The following GOLGA8B variants were observed in gnomAD, a reference collection of about 807,000 sequenced individuals.
The protein encoded by GOLGA8B is golgin subfamily A member 8B.
Under a neutral mutation model 15.6 loss-of-function variants are expected in GOLGA8B, and 1 was observed. The observed-to-expected ratio is 0.06, with a 90% CI of 0.02 to 0.30. GOLGA8B has a LOEUF of 0.30. Among genes scored for constraint, GOLGA8B ranks in the 10% least tolerant of loss-of-function variants. The pLI is 1.00. For synonymous variants in GOLGA8B, 9 were observed against 80.3 expected (o/e 0.11, Z 4.75); for missense variants, 17 against 201.3 (o/e 0.08, Z 5.54).
intron 1 of GOLGA8B, among the ~76,000 whole-genome samples, chr15:34,580,283 T>C (rs936996867): frequency 7.2e-5 from 11 of 152,178 alleles, no homozygotes; most frequent in African/African-American, 2.4e-4. Context: ...GGAGGGACCA[T>C]TCTTGGGAGC....
intron 1 of GOLGA8B, among the ~76,000 whole-genome samples, chr15:34,569,402 C>T (rs1224290442): frequency 6.6e-6 from 1 of 151,996 alleles, no homozygotes; most frequent in Non-Finnish European, 1.5e-5. Flanking sequence ...GCCTGGATCA[C>T]CTTCCTGGAA....
chr15:34,573,050 G>C (rs1281899245), intron 1 of GOLGA8B, among the ~76,000 whole-genome samples: 3 of 152,188 alleles, frequency 2.0e-5, no homozygotes, highest in Admixed American at 2.0e-4. Flanking sequence ...AGGAGTTCAA[G>C]TCCAGCCTAG....
intron 1 of GOLGA8B, among the ~76,000 whole-genome samples, chr15:34,569,381 G>GACCTTCCTGGGCCTGGATC (rs1364815919): frequency 6.6e-6 from 1 of 151,920 alleles, no homozygotes; most frequent in Non-Finnish European, 1.5e-5. Flanking sequence ...TCACACTTCG[G>GACCTTCCTGGGCCTGGATC]ACCTTCCTGG....
rs1894420135 is a variant in GOLGA8B at position 34,525,323 on chromosome 15, C to T, written c.*2309G>A. 1 of 149,824 alleles carries T rather than the reference C, an allele frequency of 6.7e-6. No individual in the cohort carries two copies. The highest frequency in any genetic ancestry group is 1.5e-5 in the Non-Finnish European group (1 of 67,248). 9.3% of individuals were successfully genotyped at this position (149,824 alleles called of 1,614,324 possible). ...AATTTATCACATTACAGTAGCATCA[C>T]ACCAGCAGTCAATAATGCCACTTTA... On this transcript the variant is annotated 3_prime_UTR_variant, in exon 24 of 24. Coordinates refer to ENST00000683415, the MANE Select transcript of GOLGA8B (RefSeq NM_001023567.5).
rs1192075563 is a variant in GOLGA8B at position 34,564,731 on chromosome 15, A to G, written c.-1122-10775T>C. Among the ~76,000 whole-genome samples the G allele has an allele frequency of 2.1e-5, 3 of 143,098 alleles. 1 individual carries two copies. The highest frequency in any genetic ancestry group is 4.8e-5 in the Non-Finnish European group (3 of 62,380). The allele number at this position is 143,098 out of a possible 152,430, so 93.9% of individuals were successfully genotyped here. A position where few individuals can be genotyped will look rare whatever the true frequency, so the allele number is the denominator to read the frequency against. On this transcript the variant is annotated intron_variant, in intron 1 of 23. Coordinates refer to ENST00000683415, the MANE Select transcript of GOLGA8B (RefSeq NM_001023567.5). ...GTGTAGGGAGAGATGAGAAGTTCCA[A>G]CGAAAAGGGTGTGAGGTCTTTGGGG... is the stretch of plus-strand genomic sequence containing the variant.
In GOLGA8B at chr15:34,525,926, C is replaced by T. The variant is rs1246188346; in HGVS notation, c.*1706G>A. On this transcript the variant is annotated 3_prime_UTR_variant, in exon 24 of 24. Coordinates refer to ENST00000683415, the MANE Select transcript of GOLGA8B (RefSeq NM_001023567.5). The stretch of plus-strand genomic sequence containing the variant: ...CTCCCCACCCCAGGGAGCACACATA[C>T]ATATCTCCCTACAACCTAATAATGT... 4 of 148,980 alleles carry T rather than the reference C, an allele frequency of 2.7e-5. No individual in the cohort carries two copies. The highest frequency in any genetic ancestry group is 1.0e-4 in the African/African-American group (4 of 40,180). 9.2% of individuals were successfully genotyped at this position (148,980 alleles called of 1,614,324 possible). A position where few individuals can be genotyped will look rare whatever the true frequency, so the allele number is the denominator to read the frequency against.
chr15:34,571,371 GT>G (rs1351943496), intron 1 of GOLGA8B, among the ~76,000 whole-genome samples: 3 of 151,958 alleles, frequency 2.0e-5, no homozygotes, highest in African/African-American at 7.3e-5. Flanking sequence ...TAGGAGAAAG[GT>G]TGGCGGAAAA....
In GOLGA8B at chr15:34,564,355, T is replaced by TAAA. The variant is rs58970262; in HGVS notation, c.-1122-10402_-1122-10400dup. On this transcript the variant is annotated intron_variant, in intron 1 of 23. Transcript: ENST00000683415. Reference sequence around the variant, plus strand: ...GTTAGTTGTAGTAACTGTAGATTCTTAAAAAAAAAAAAAAAAAAAAAAAGG... The same window carrying TAAA: ...GTTAGTTGTAGTAACTGTAGATTCTTAAAAAAAAAAAAAAAAAAAAAAAAAAGG... 9.9e-3 allele frequency among the ~76,000 whole-genome samples: 1,040 copies of TAAA among 105,248 alleles called. 1 individual carries two copies. Among genetic ancestry groups the TAAA allele is most frequent in the African/African-American group, 0.029 (856 of 29,642 alleles). The allele number at this position is 105,248 out of a possible 152,430, so 69.0% of individuals were successfully genotyped here.
At chr15:34,573,546 A>C (rs1888983918) in intron 1 of GOLGA8B, among the ~76,000 whole-genome samples, 1 of 145,940 alleles carries the variant, frequency 6.9e-6, no homozygotes. Flanking sequence ...CAAAAAAAAA[A>C]AAAAAAAAAA....
rs546411466 is a variant in GOLGA8B at position 34,572,601 on chromosome 15, T to C, written c.-1123+10915A>G. Among the ~76,000 whole-genome samples, 123 of 152,316 alleles carry C rather than the reference T, an allele frequency of 8.1e-4. No homozygotes were observed. In the East Asian group the frequency reaches 0.018, roughly 23 times the overall value. On this transcript the variant is annotated intron_variant, in intron 1 of 23. Transcript: ENST00000683415. ...ATGTATTTAAAAGACAAGTAAAATA[T>C]GTTCACAGACAGAAAAGAAAATGGG... is the stretch of plus-strand genomic sequence containing the variant.
chr15:34,531,825 T>TG (rs1354801989), intron 12 of GOLGA8B, 130 bp from the exon 13 acceptor site: 1 of 1,081,964 alleles, frequency 9.2e-7, no homozygotes, highest in Non-Finnish European at 1.3e-6. Context: ...AGGGACCCTG[T>TG]GGGGATGGGG....
rs866644958 is a variant in GOLGA8B at position 34,525,914 on chromosome 15, G to A, written c.*1718C>T. On this transcript the variant is annotated 3_prime_UTR_variant, in exon 24 of 24. Coordinates refer to ENST00000683415, the MANE Select transcript of GOLGA8B (RefSeq NM_001023567.5). ...GTAACTAGAAAACTCCCCACCCCAG[G>A]GAGCACACATACATATCTCCCTACA... 3 of 148,666 alleles carry A rather than the reference G, an allele frequency of 2.0e-5. No homozygotes were observed. The highest frequency in any genetic ancestry group is 5.0e-5 in the African/African-American group (2 of 40,014). 9.2% of individuals were successfully genotyped at this position (148,666 alleles called of 1,614,324 possible). A position where few individuals can be genotyped will look rare whatever the true frequency, so the allele number is the denominator to read the frequency against.
At chr15:34,573,093 C>G (rs571829149) in intron 1 of GOLGA8B, among the ~76,000 whole-genome samples, 1 of 152,184 alleles carries the variant, frequency 6.6e-6, no homozygotes, top group Non-Finnish European at 1.5e-5. Context: ...TCTCAAAATG[C>G]AAAACAAAAA....
At chr15:34,577,452 T>C (rs1889112209) in intron 1 of GOLGA8B, among the ~76,000 whole-genome samples, 1 of 151,592 alleles carries the variant, frequency 6.6e-6, no homozygotes, top group African/African-American at 2.4e-5. Flanking sequence ...GCTGCCTTGC[T>C]GGAGAATCAA....
At chr15:34,567,492 C>T (rs76355055) in intron 1 of GOLGA8B, among the ~76,000 whole-genome samples, 12,034 of 150,736 alleles carry the variant, frequency 0.08, 1 homozygote, top group South Asian at 0.2. Context: ...TTCCATTAAA[C>T]GAGAAGAAAA....
chr15:34,557,644 A>ATATGTGTGTG (rs1555405943), intron 1 of GOLGA8B, among the ~76,000 whole-genome samples: 1 of 76,062 alleles, frequency 1.3e-5, no homozygotes, highest in African/African-American at 4.5e-5. Flanking sequence ...GAATTCATGA[A>ATATGTGTGTG]TGTGTGTGTG....
intron 1 of GOLGA8B, among the ~76,000 whole-genome samples, chr15:34,565,075 A>G (rs1212657295): frequency 7.0e-6 from 1 of 143,128 alleles, no homozygotes; most frequent in African/African-American, 2.5e-5. Flanking sequence ...CCAGTCCCCA[A>G]AAGGTGCTGT....
Position 34,527,375 on chromosome 15 carries a change from T to C in GOLGA8B, c.*257A>G. The stretch of plus-strand genomic sequence containing the variant: ...CCACCACGTAAGGGCAAACTCGATA[T>C]GCATGCTAATGACCTACAATTATGA... On this transcript the variant is annotated 3_prime_UTR_variant, in exon 24 of 24. Transcript: ENST00000683415. 1 of 462,302 alleles carries C rather than the reference T, an allele frequency of 2.2e-6. No homozygotes were observed. The highest frequency in any genetic ancestry group is 3.8e-6 in the Non-Finnish European group (1 of 264,486). 28.6% of individuals were successfully genotyped at this position (462,302 alleles called of 1,614,324 possible).
At chr15:34,578,601 G>A (rs1226061050) in intron 1 of GOLGA8B, among the ~76,000 whole-genome samples, 3 of 152,104 alleles carry the variant, frequency 2.0e-5, no homozygotes, top group Non-Finnish European at 2.9e-5. Flanking sequence ...CAGCCTCCTC[G>A]TCGCGAAGTT....
Sources: gnomAD v4.1 joint callset for allele counts (sites outside exome capture counted in the v4.1 genomes callset) on GRCh38, gnomAD v4.1.1 for gene constraint, MANE v1.5 for transcripts, NCBI Gene and HGNC (gene_info 2026-07-23, HGNC 2026-07-21) for gene names.